The following KIF6 variants were observed in gnomAD, a reference collection of about 807,000 sequenced individuals.
KIF6 encodes the protein kinesin-like protein KIF6.
In KIF6, 106 loss-of-function variants were observed where a neutral mutation model predicts 112.7. The ratio of observed to expected loss-of-function variants is 0.94; its 90% CI spans 0.80 to 1.11. The LOEUF (loss-of-function observed/expected upper bound fraction) is 1.11, where lower values mean the gene tolerates loss of function less well. Among genes scored for constraint, KIF6 ranks in the 50% least tolerant of loss-of-function variants. The probability of loss-of-function intolerance (pLI) is 0.00; values close to 1 mark genes in which losing one functional copy is unlikely to be tolerated. For synonymous variants in KIF6, 339 were observed against 339.9 expected, an observed-to-expected ratio of 1.00 and a Z score of 0.03; for missense variants, 929 against 964.0, an observed-to-expected ratio of 0.96 and a Z score of 0.48.
intron 19 of KIF6, among the ~76,000 whole-genome samples, chr6:39,355,056 C>T (rs1054396121): frequency 6.6e-6 from 1 of 152,066 alleles, no homozygotes; most frequent in Non-Finnish European, 1.5e-5. Flanking sequence ...TATGGTGGCA[C>T]GTGCCTGTAA....
chr6:39,691,166 A>C (rs1036883665), intron 3 of KIF6: 1 of 152,252 alleles, frequency 6.6e-6, no homozygotes, highest in Non-Finnish European at 1.5e-5. Flanking sequence ...AAACTTCTGA[A>C]AAAAGCAAAC....
chr6:39,407,997 A>T (rs1769206306), intron 15 of KIF6, among the ~76,000 whole-genome samples: 2 of 152,212 alleles, frequency 1.3e-5, no homozygotes, highest in African/African-American at 4.8e-5. Flanking sequence ...GACAGACTGG[A>T]AGAAAACATC....
intron 6 of KIF6, among the ~76,000 whole-genome samples, chr6:39,598,440 G>A (rs1443843543): frequency 6.6e-6 from 1 of 152,030 alleles, no homozygotes; most frequent in East Asian, 1.9e-4. Flanking sequence ...TACTGCTTGT[G>A]GAAATATAAA....
At chr6:39,720,463 G>C (rs189706798) in intron 2 of KIF6, among the ~76,000 whole-genome samples, 1 of 151,978 alleles carries the variant, frequency 6.6e-6, no homozygotes, top group Non-Finnish European at 1.5e-5. Context: ...GATAAACAGA[G>C]CTAGTAAAGA....
chr6:39,397,412 TCC>T (rs1768352541), intron 15 of KIF6, among the ~76,000 whole-genome samples: 1 of 152,160 alleles, frequency 6.6e-6, no homozygotes, highest in Non-Finnish European at 1.5e-5. Flanking sequence ...TCCTTTTGTT[TCC>T]TCTGAGGCTA....
chr6:39,339,256 A>C (rs9471075), intron 22 of KIF6, among the ~76,000 whole-genome samples: 20,253 of 152,106 alleles, frequency 0.13, 3,409 homozygotes, highest in African/African-American at 0.4. Flanking sequence ...GGTGCTTGGG[A>C]GTTGATAAGG....
chr6:39,447,846 C>A (rs1171342825), intron 13 of KIF6, among the ~76,000 whole-genome samples: 1 of 152,152 alleles, frequency 6.6e-6, no homozygotes, highest in East Asian at 1.9e-4. Flanking sequence ...TGAAATTGTC[C>A]TTTCAAGATC....
At chr6:39,674,131 T>C (rs1786997312) in intron 3 of KIF6, among the ~76,000 whole-genome samples, 1 of 152,148 alleles carries the variant, frequency 6.6e-6, no homozygotes, top group South Asian at 2.1e-4. Context: ...GTAATATTTG[T>C]TTAACATTTT....
intron 19 of KIF6, among the ~76,000 whole-genome samples, chr6:39,351,919 G>T (rs78001486): frequency 0.027 from 4,186 of 152,284 alleles, 205 homozygotes; most frequent in African/African-American, 0.095. Flanking sequence ...TGGAGTTTCA[G>T]CGAGAGGGCT....
chr6:39,454,446 C>T (rs1313200421), intron 13 of KIF6, among the ~76,000 whole-genome samples: 2 of 150,358 alleles, frequency 1.3e-5, no homozygotes, highest in African/African-American at 4.9e-5. Flanking sequence ...ATGTGACACC[C>T]GATATCCAGG....
At position 39,557,735 on chromosome 6, in the gene KIF6, C is replaced by CT. The variant is rs1438116393; in HGVS notation, c.1182-12048_1182-12047insA. 3.9e-4 allele frequency among the ~76,000 whole-genome samples: 59 copies of CT among 151,930 alleles called. No individual in the cohort carries two copies. The Middle Eastern group carries it at 0.01, about 26-fold the overall frequency. ...AAAATGAACTTTTGTATAGAAAGCC[C>CT]ATAGAACCTCTGTTGGAGATGTACA... On this transcript the variant is annotated intron_variant, in intron 10 of 22. Transcript: ENST00000287152.
intron 10 of KIF6, chr6:39,554,415 G>T: frequency 6.2e-6 from 1 of 160,414 alleles, no homozygotes. Context: ...ACCACCTGTG[G>T]CTGTGTCTAT....
chr6:39,510,023 A>T (rs528446944), intron 13 of KIF6, among the ~76,000 whole-genome samples: 150 of 152,274 alleles, frequency 9.9e-4, no homozygotes, highest in Non-Finnish European at 1.8e-3. Context: ...TCAGACTAAC[A>T]GCAGATGTCT....
chr6:39,384,534 C>T (rs1051297844), intron 16 of KIF6, among the ~76,000 whole-genome samples: 3 of 152,206 alleles, frequency 2.0e-5, no homozygotes, highest in Non-Finnish European at 4.4e-5. Context: ...GGCTTAGGTG[C>T]CCTTGTTCTA....
At chr6:39,384,907 T>C (rs1356101592) in intron 16 of KIF6, among the ~76,000 whole-genome samples, 2 of 152,196 alleles carry the variant, frequency 1.3e-5, no homozygotes, top group Non-Finnish European at 2.9e-5. Context: ...GTGACTTCAT[T>C]GGGTCACATA....
At chr6:39,351,243 T>C (rs1171717437) in intron 19 of KIF6, among the ~76,000 whole-genome samples, 1 of 151,106 alleles carries the variant, frequency 6.6e-6, no homozygotes, top group East Asian at 1.9e-4. Flanking sequence ...TTTTTTTCTC[T>C]TTTTCAGACA....
intron 15 of KIF6, among the ~76,000 whole-genome samples, chr6:39,401,385 G>C (rs1309219278): frequency 5.3e-5 from 8 of 152,146 alleles, no homozygotes; most frequent in Admixed American, 2.0e-4. Context: ...AGTTTATTTG[G>C]GAAATGATCC....
At chr6:39,358,933 G>T (rs1007702099) in intron 18 of KIF6, among the ~76,000 whole-genome samples, 6 of 152,150 alleles carry the variant, frequency 3.9e-5, no homozygotes, top group Non-Finnish European at 8.8e-5. Context: ...CCTACACCTA[G>T]ATCTTATTAA....
At chr6:39,613,138 T>C in intron 6 of KIF6, 51 bp downstream of exon 6, 1 of 1,394,684 alleles carries the variant, frequency 7.2e-7, no homozygotes, top group Non-Finnish European at 9.5e-7. Flanking sequence ...TGGCTTCAGA[T>C]ACTGTATCTT....
Sources: allele counts gnomAD v4.1 joint callset (sites outside exome capture counted in the v4.1 genomes callset), GRCh38; gene constraint gnomAD v4.1.1; transcripts MANE v1.5; gene names NCBI Gene and HGNC (gene_info 2026-07-23, HGNC 2026-07-21).